Variants in RYR3 observed in about 807,000 individuals in gnomAD.
The protein encoded by RYR3 is ryanodine receptor 3.
In RYR3, 207 loss-of-function variants were observed where a neutral mutation model predicts 584.3. The observed-to-expected ratio is 0.35, with a 90% confidence interval of 0.32 to 0.40. The LOEUF (loss-of-function observed/expected upper bound fraction) is 0.40. Ranked by LOEUF, RYR3 falls within the 10% of genes least tolerant of loss-of-function variation. RYR3 has a pLI of 1.00. For synonymous variants in RYR3, 2,416 were observed against 2,248.5 expected (o/e 1.07, Z -2.11); for missense variants, 5,616 against 6,089.2 (o/e 0.92, Z 2.59).
chr15:33,518,222 G>A (rs975412156), intron 3 of RYR3, among the ~76,000 whole-genome samples: 11 of 152,146 alleles, frequency 7.2e-5, no homozygotes, highest in African/African-American at 2.4e-4. Context: ...ATCATTCCCA[G>A]TCAGCAGTGG....
chr15:33,670,086 G>C (rs766539050), intron 37 of RYR3, among the ~76,000 whole-genome samples: 1 of 151,962 alleles, frequency 6.6e-6, no homozygotes, highest in Non-Finnish European at 1.5e-5. Flanking sequence ...CAGATTCTAG[G>C]GCCACGTCCC....
chr15:33,437,117 A>AGT (rs71415518), intron 1 of RYR3, among the ~76,000 whole-genome samples: 8,569 of 149,376 alleles, frequency 0.057, 266 homozygotes, highest in Admixed American at 0.08. Context: ...AGAGAGATAG[A>AGT]GTGTGTGTGT....
rs1237804448 is a variant in RYR3 at position 33,854,903 on chromosome 15, T to C, written c.13998T>C (p.Asn4666=). 1.9e-6 allele frequency: 3 copies of C among 1,610,548 alleles called. No homozygotes were observed. In the Admixed American group the frequency reaches 5.0e-5, roughly 27 times the overall value. The change falls in exon 98 of 104, where the codon AAT becomes AAC. Residue 4666 remains asparagine (N), a synonymous_variant. Transcript: ENST00000634891. The stretch of plus-strand genomic sequence containing the variant: ...CCATTCTGTCATCTGTAACTCACAA[T>C]GGCAAACAGGTATGGTTTCTACTGA... ...LRTILSSVTH[N]GKQLVLTVGL...
At chr15:33,499,745 A>G (rs74694132) in intron 2 of RYR3, among the ~76,000 whole-genome samples, 2,972 of 152,330 alleles carry the variant, frequency 0.02, 92 homozygotes, top group African/African-American at 0.068. Context: ...AGTTACCTGC[A>G]TAATGTCATT....
chr15:33,406,348 C>T (rs973432185), intron 1 of RYR3, among the ~76,000 whole-genome samples: 1 of 152,194 alleles, frequency 6.6e-6, no homozygotes, highest in African/African-American at 2.4e-5. Context: ...ATGTTTGACC[C>T]TCACAGTTTT....
chr15:33,379,035 TTC>T (rs745670455), intron 1 of RYR3, among the ~76,000 whole-genome samples: 2 of 152,208 alleles, frequency 1.3e-5, no homozygotes, highest in Non-Finnish European at 2.9e-5. Flanking sequence ...ACCACAAAGG[TTC>T]TCTTTTTCTC....
rs181571314 is a variant in RYR3 at position 33,785,931 on chromosome 15, A to G, written c.9538A>G (p.Ile3180Val). 5.6e-5 allele frequency: 90 copies of G among 1,609,638 alleles called. No individual in the cohort carries two copies. The highest frequency in any genetic ancestry group is 7.0e-5 in the Non-Finnish European group (82 of 1,177,100). The part of the protein sequence containing the change: ...SLILGNILKI[I>V]NNNLGIDEAS... ...CATCCTGGGCAACATTCTGAAAATCATCAACAACAACCTGGGCATCGATGA... is the reference window on the plus strand; with the variant it reads ...CATCCTGGGCAACATTCTGAAAATCGTCAACAACAACCTGGGCATCGATGA... Residue 3180 changes from isoleucine (I) to valine (V), a missense_variant, in exon 66 of 104, where the codon ATC (isoleucine) becomes GTC (valine). By Grantham distance (29) the Ile-to-Val change is conservative. Coordinates refer to ENST00000634891, the MANE Select transcript of RYR3 (RefSeq NM_001036.6).
chr15:33,578,260 T>C (rs1162111715), intron 12 of RYR3, among the ~76,000 whole-genome samples: 1 of 152,204 alleles, frequency 6.6e-6, no homozygotes, highest in African/African-American at 2.4e-5. Context: ...TTACTAGGTA[T>C]ATACCCAAAG....
At chr15:33,584,692 T>C (rs1157846519) in intron 15 of RYR3, among the ~76,000 whole-genome samples, 1 of 151,976 alleles carries the variant, frequency 6.6e-6, no homozygotes, top group Non-Finnish European at 1.5e-5. Flanking sequence ...ACTTCAACAA[T>C]CCTTCCTTTT....
Position 33,314,429 on chromosome 15 carries a change from G to A in RYR3, c.51+3333G>A, listed in dbSNP as rs577780232. 3.3e-5 allele frequency among the ~76,000 whole-genome samples: 5 copies of A among 152,290 alleles called. No homozygotes were observed. In the East Asian group the frequency reaches 7.7e-4, roughly 23 times the overall value. On this transcript the variant is annotated intron_variant, in intron 1 of 103. Coordinates refer to ENST00000634891, the MANE Select transcript of RYR3 (RefSeq NM_001036.6). The stretch of plus-strand genomic sequence containing the variant: ...GCAATTACCCCATCTTCAGACAGTC[G>A]GTGGAGCAGCTGGCACCACATTCTG...
In RYR3 at chr15:33,706,959, C is replaced by T; in HGVS notation, c.6524C>T (p.Pro2175Leu). Residue 2175 changes from proline (P) to leucine (L), a missense_variant, in exon 43 of 104, where the codon CCC becomes CTC. Around this residue, in one of 9 missense-constraint regions of RYR3, gnomAD observed 1,280 missense variants for 1,426.2 expected, o/e 0.90. Coordinates refer to ENST00000634891, the MANE Select transcript of RYR3 (RefSeq NM_001036.6). ...GCAGGCTGTGGCCTACAGAGCTGCC[C>T]CATGCTTCTGGCCAAAGGATACCCT... is the stretch of plus-strand genomic sequence containing the variant. The part of the protein sequence containing the change: ...YLAGCGLQSC[P>L]MLLAKGYPDV... 1.2e-6 allele frequency: 2 copies of T among 1,612,194 alleles called. No individual in the cohort carries two copies. Among genetic ancestry groups the T allele is most frequent in the Non-Finnish European group, 1.7e-6 (2 of 1,179,168 alleles).
intron 94 of RYR3, chr15:33,851,933 C>T (rs917620459): frequency 6.6e-6 from 1 of 151,924 alleles, no homozygotes; most frequent in Non-Finnish European, 1.5e-5. Flanking sequence ...GCAGTTTACT[C>T]TGTAACACCA....
chr15:33,605,668 C>T (rs1450324726), intron 18 of RYR3, among the ~76,000 whole-genome samples: 2 of 152,336 alleles, frequency 1.3e-5, no homozygotes, highest in African/African-American at 4.8e-5. Flanking sequence ...ATCATTCTGA[C>T]TTCTCCAACG....
chr15:33,563,526 A>G (rs2152485332), intron 11 of RYR3, among the ~76,000 whole-genome samples: 1 of 152,330 alleles, frequency 6.6e-6, no homozygotes, highest in East Asian at 1.9e-4. Context: ...CCAGCGAGAA[A>G]AACTAGCTTG....
intron 47 of RYR3, among the ~76,000 whole-genome samples, chr15:33,730,061 A>T (rs1274057221): frequency 6.6e-6 from 1 of 151,242 alleles, no homozygotes. Context: ...GTCTAACCCA[A>T]TGTTTTGATA....
chr15:33,363,212 A>C (rs1403519642), intron 1 of RYR3, among the ~76,000 whole-genome samples: 1 of 152,138 alleles, frequency 6.6e-6, no homozygotes, highest in Non-Finnish European at 1.5e-5. Flanking sequence ...CTCTCTTTTC[A>C]TCTTTTTGCA....
intron 52 of RYR3, among the ~76,000 whole-genome samples, chr15:33,743,716 T>C (rs1427721372): frequency 6.6e-6 from 1 of 152,222 alleles, no homozygotes; most frequent in Non-Finnish European, 1.5e-5. Context: ...TTGTCTCTGT[T>C]CTTATGACTT....
chr15:33,714,775 T>C (rs971332944), intron 43 of RYR3, among the ~76,000 whole-genome samples: 3 of 152,204 alleles, frequency 2.0e-5, no homozygotes, highest in Non-Finnish European at 4.4e-5. Flanking sequence ...ACATCCATCA[T>C]GTGACATGTG....
intron 1 of RYR3, among the ~76,000 whole-genome samples, chr15:33,470,372 G>A (rs1008487225): frequency 6.6e-6 from 1 of 151,980 alleles, no homozygotes; most frequent in African/African-American, 2.4e-5. Flanking sequence ...TTGTTCCAGT[G>A]AGATAGAGTT....
Sources: allele counts gnomAD v4.1 joint callset (sites outside exome capture counted in the v4.1 genomes callset), GRCh38; gene constraint gnomAD v4.1.1; regional missense constraint gnomAD v4.1.1; transcripts MANE v1.5; gene names NCBI Gene and HGNC (gene_info 2026-07-23, HGNC 2026-07-21).